Variants in UPF2 observed in about 807,000 individuals in gnomAD.
The protein encoded by UPF2 is regulator of nonsense transcripts 2.
UPF2 carries 17 observed loss-of-function variants against 141.4 expected under a neutral mutation model. The observed-to-expected ratio is 0.12, with a 90% CI of 0.08 to 0.18. The LOEUF (loss-of-function observed/expected upper bound fraction) is 0.18, where lower values mean the gene tolerates loss of function less well. Ranked by LOEUF, UPF2 falls within the 10% of genes least tolerant of loss-of-function variation. UPF2 has a pLI of 1.00. For missense variants in UPF2, 1,152 were observed against 1,515.9 expected (o/e 0.76, Z 3.99); for synonymous variants, 540 against 498.0 (o/e 1.08, Z -1.12).
intron 4 of UPF2, among the ~76,000 whole-genome samples, chr10:12,008,730 G>A (rs1331606208): frequency 2.0e-5 from 3 of 151,570 alleles, no homozygotes; most frequent in Non-Finnish European, 2.9e-5. Flanking sequence ...GAATGTGCAG[G>A]TGTGTTACAT....
At chr10:12,039,380 T>G (rs1029442315) in intron 1 of UPF2, among the ~76,000 whole-genome samples, 2 of 152,194 alleles carry the variant, frequency 1.3e-5, no homozygotes, top group Admixed American at 1.3e-4. Flanking sequence ...GAATCCTTCA[T>G]AATGGTTAAG....
chr10:11,997,668 T>A lies in UPF2; in HGVS notation c.1844+4A>T, dbSNP rs2131260801. ...CTAATAAATTTCTCTTTCATAACACTTACCTTTGTCTAGGAACTATGAAGA... is the reference window on the plus strand; with the variant it reads ...CTAATAAATTTCTCTTTCATAACACATACCTTTGTCTAGGAACTATGAAGA... On this transcript the variant is annotated splice_donor_region_variant and intron_variant, in intron 8 of 21. Transcript: ENST00000357604. 6.2e-7 allele frequency: 1 copy of A among 1,613,382 alleles called. No homozygotes were observed. The highest frequency in any genetic ancestry group is 8.5e-7 in the Non-Finnish European group (1 of 1,179,542).
rs1339784103 is a variant in UPF2 at position 11,935,346 on chromosome 10, G to C, written c.3546+1199C>G. 6.6e-6 allele frequency among the ~76,000 whole-genome samples: 1 copy of C among 152,142 alleles called. No individual in the cohort carries two copies. The highest frequency in any genetic ancestry group is 1.5e-5 in the Non-Finnish European group (1 of 68,026). On this transcript the variant is annotated intron_variant, in intron 19 of 21. Coordinates refer to ENST00000357604, the MANE Select transcript of UPF2 (RefSeq NM_015542.4). The surrounding 1 kb of genome is among the most constrained non-coding windows in gnomAD (Gnocchi z 4.9). Reference sequence around the variant, plus strand: ...CTATATTCTGCACACAGAAGTGCCTGGTGTGTAGCAGGTAAATAATAAATA... The same window carrying C: ...CTATATTCTGCACACAGAAGTGCCTCGTGTGTAGCAGGTAAATAATAAATA...
chr10:11,921,079 C>T lies in UPF2; in HGVS notation c.*219G>A, dbSNP rs1277591944. ...ATTAACCCTCGCGAGATTTCCATTA[C>T]AAAAGGCCTTTTCCGCCTTGTCTGG... On this transcript the variant is annotated 3_prime_UTR_variant, in exon 22 of 22. Coordinates refer to ENST00000357604, the MANE Select transcript of UPF2 (RefSeq NM_015542.4). The surrounding 1 kb of genome is among the most constrained non-coding windows in gnomAD (Gnocchi z 5.9). 1 of 768,824 alleles carries T rather than the reference C, an allele frequency of 1.3e-6. No homozygotes were observed. The highest frequency in any genetic ancestry group is 2.4e-6 in the Non-Finnish European group (1 of 412,524). The allele number at this position is 768,824 out of a possible 1,614,324, so 47.6% of individuals were successfully genotyped here.
chr10:12,004,049 G>A (rs1017831419), intron 5 of UPF2, among the ~76,000 whole-genome samples: 1 of 151,616 alleles, frequency 6.6e-6, no homozygotes, highest in Non-Finnish European at 1.5e-5. Flanking sequence ...AGCAGCAAAT[G>A]TAAGACAAAC....
Position 12,016,419 on chromosome 10 carries a change from G to C in UPF2, c.1146-2235C>G, listed in dbSNP as rs985356570. Among the ~76,000 whole-genome samples the C allele has an allele frequency of 6.6e-6, 1 of 152,108 alleles. No individual in the cohort carries two copies. The highest frequency in any genetic ancestry group is 2.4e-5 in the African/African-American group (1 of 41,432). ...GCTCAGAAGTAGGTTACTTAGGCTG[G>C]GCGCGGTGGCTCACGCCTGTAATCC... On this transcript the variant is annotated intron_variant, in intron 3 of 21. Coordinates refer to ENST00000357604, the MANE Select transcript of UPF2 (RefSeq NM_015542.4). This position sits in a 1 kb window ranked among gnomAD's most constrained non-coding sequence, Gnocchi z 4.1.
At chr10:12,031,840 C>G (rs1014736891) in intron 2 of UPF2, among the ~76,000 whole-genome samples, 1 of 152,006 alleles carries the variant, frequency 6.6e-6, no homozygotes, top group Admixed American at 6.6e-5. Context: ...AGATAATCAC[C>G]CCTGAGTTAT....
At position 11,938,842 on chromosome 10, in the gene UPF2, G is replaced by GTTTTTT. The variant is rs1204744093; in HGVS notation, c.3379-2136_3379-2131dup. On this transcript the variant is annotated intron_variant, in intron 18 of 21. Transcript: ENST00000357604. ...GTCCTAGCCATGTGGTCTTAAGCAA[G>GTTTTTT]TTTTTTTTTTGTTTTTTTTTTTTTT... is the stretch of plus-strand genomic sequence containing the variant. Among the ~76,000 whole-genome samples the GTTTTTT allele has an allele frequency of 1.8e-3, 82 of 45,840 alleles. 1 individual carries two copies. The highest frequency in any genetic ancestry group is 4.5e-3 in the African/African-American group (64 of 14,230). The allele number at this position is 45,840 out of a possible 152,430, so 30.1% of individuals were successfully genotyped here. A position where few individuals can be genotyped will look rare whatever the true frequency, so the allele number is the denominator to read the frequency against.
chr10:11,983,000 C>T (rs1051111650), intron 8 of UPF2, among the ~76,000 whole-genome samples: 1 of 152,192 alleles, frequency 6.6e-6, no homozygotes, highest in Non-Finnish European at 1.5e-5. Flanking sequence ...TCATTTGTTA[C>T]CCCTACCCAC....
At chr10:12,006,900 C>T (rs1834044032) in intron 4 of UPF2, among the ~76,000 whole-genome samples, 1 of 152,130 alleles carries the variant, frequency 6.6e-6, no homozygotes, top group Non-Finnish European at 1.5e-5. Flanking sequence ...GGAGCCAAGT[C>T]ACCAGAAAGA....
Position 11,936,430 on chromosome 10 carries a change from A to C in UPF2, c.3546+115T>G, listed in dbSNP as rs1269757114. 1 of 1,054,336 alleles carries C rather than the reference A, an allele frequency of 9.5e-7. No homozygotes were observed. The highest frequency in any genetic ancestry group is 1.3e-6 in the Non-Finnish European group (1 of 774,390). 65.3% of individuals were successfully genotyped at this position (1,054,336 alleles called of 1,614,324 possible). ...ACTATATAAGGGAAGAAATTATTCT[A>C]CCACTGAATGGTTTAAAACTGTCCA... On this transcript the variant is annotated intron_variant, in intron 19 of 21. Coordinates refer to ENST00000357604, the MANE Select transcript of UPF2 (RefSeq NM_015542.4). This position sits in a 1 kb window ranked among gnomAD's most constrained non-coding sequence, Gnocchi z 6.6.
intron 8 of UPF2, 90 bp downstream of exon 8, chr10:11,997,582 A>G: frequency 8.6e-7 from 1 of 1,156,314 alleles, no homozygotes; most frequent in Non-Finnish European, 1.3e-6. Flanking sequence ...TAAAATCAAA[A>G]GCAATATTTT....
intron 4 of UPF2, among the ~76,000 whole-genome samples, chr10:12,009,714 G>C (rs1834096079): frequency 6.6e-6 from 1 of 152,176 alleles, no homozygotes; most frequent in Admixed American, 6.5e-5. Flanking sequence ...TTGAGGATGA[G>C]AGCTGAGGGT....
intron 2 of UPF2, among the ~76,000 whole-genome samples, chr10:12,031,480 T>C (rs74116825): frequency 2.6e-5 from 4 of 152,240 alleles, no homozygotes; most frequent in Non-Finnish European, 5.9e-5. Context: ...GGCAACAATC[T>C]GATTTTGAAG....
chr10:11,949,362 C>CT (rs1833045440), intron 15 of UPF2, among the ~76,000 whole-genome samples: 1 of 152,224 alleles, frequency 6.6e-6, no homozygotes. Flanking sequence ...TCAATATGCA[C>CT]TTTCAAATCC....
At chr10:11,966,539 C>T (rs1269200331) in intron 10 of UPF2, among the ~76,000 whole-genome samples, 1 of 152,158 alleles carries the variant, frequency 6.6e-6, no homozygotes, top group African/African-American at 2.4e-5. Flanking sequence ...ATTCTCCTCC[C>T]TCAGCCTCCC....
chr10:11,967,363 T>C lies in UPF2; in HGVS notation c.2045A>G (p.Asn682Ser), dbSNP rs1313692985. ...ELTKFKMFTK[N>S]DTLHCLKMLL... ...AACCTTTAAACAATGCAGTGTGTCA[T>C]TTTTGGTGAACATCTTAAACTTAGT... The change falls in exon 10 of 22, where the codon AAT (asparagine) becomes AGT (serine). Residue 682 changes from asparagine (N) to serine (S), a missense_variant. Coordinates refer to ENST00000357604, the MANE Select transcript of UPF2 (RefSeq NM_015542.4). 2.5e-6 allele frequency: 4 copies of C among 1,578,390 alleles called. No homozygotes were observed.
At position 12,016,877 on chromosome 10, in the gene UPF2, G is replaced by A. The variant is rs568731791; in HGVS notation, c.1146-2693C>T. ...CTCTACAAAAACATAAAAATTAGCC[G>A]GGCACGATGGTGGGTGCCTGTAATC... On this transcript the variant is annotated intron_variant, in intron 3 of 21. Transcript: ENST00000357604. The surrounding 1 kb of genome is among the most constrained non-coding windows in gnomAD (Gnocchi z 4.1). Among the ~76,000 whole-genome samples, 6 of 151,818 alleles carry A rather than the reference G, an allele frequency of 4.0e-5. No homozygotes were observed. The highest frequency in any genetic ancestry group is 4.2e-4 in the South Asian group (2 of 4,814).
chr10:12,029,339 T>C lies in UPF2; in HGVS notation c.551A>G (p.Gln184Arg). 6.2e-7 allele frequency: 1 copy of C among 1,614,194 alleles called. No homozygotes were observed. Among genetic ancestry groups the C allele is most frequent in the South Asian group, 1.1e-5 (1 of 91,080 alleles). ...ATCATGGGACAAGGAGTCTCTCTGTTGTTCTGTAATAGTTTTTAGTTTCTT... is the reference window on the plus strand; with the variant it reads ...ATCATGGGACAAGGAGTCTCTCTGTCGTTCTGTAATAGTTTTTAGTTTCTT... ...FVKKLKTITE[Q>R]QRDSLSHDFN... The change falls in exon 3 of 22, where the codon CAA (glutamine) becomes CGA (arginine). Residue 184 changes from glutamine (Q) to arginine (R), a missense_variant. Physicochemically the swap from Gln to Arg is conservative, Grantham distance 43. Transcript: ENST00000357604.
Sources: gnomAD v4.1 joint callset for allele counts (sites outside exome capture counted in the v4.1 genomes callset) on GRCh38, gnomAD v4.1.1 for gene constraint, Gnocchi (gnomAD v3.1) non-coding constraint, MANE v1.5 for transcripts, NCBI Gene and HGNC (gene_info 2026-07-23, HGNC 2026-07-21) for gene names.